FREM2: variants seen among roughly 807,000 people sequenced by gnomAD.
FREM2 encodes the protein FRAS1 related extracellular matrix 2, also known as FRAS1-related extracellular matrix protein 2.
A neutral mutation model predicts 219.9 loss-of-function variants in FREM2; 119 were observed. The observed-to-expected ratio is 0.54, with a 90% CI of 0.47 to 0.63. The LOEUF is 0.63. Ranked by LOEUF, FREM2 falls within the 30% of genes least tolerant of loss-of-function variation. The pLI is 0.00. For synonymous variants in FREM2, 1,562 were observed against 1,522.8 expected (o/e 1.03, Z -0.60); for missense variants, 4,030 against 3,993.6 (o/e 1.01, Z -0.25).
intron 2 of FREM2, among the ~76,000 whole-genome samples, chr13:38,724,198 G>A (rs1871417404): frequency 2.0e-5 from 3 of 152,156 alleles, no homozygotes; most frequent in Admixed American, 1.3e-4. Flanking sequence ...ACAGCAAGGA[G>A]GAGTGGGCAG....
At chr13:38,705,943 C>A (rs1173831442) in intron 2 of FREM2, among the ~76,000 whole-genome samples, 3 of 152,150 alleles carry the variant, frequency 2.0e-5, no homozygotes, top group East Asian at 1.9e-4. Context: ...AAAGTCAGAA[C>A]CTGATGAGCC....
chr13:38,715,358 T>C (rs1326906391), intron 2 of FREM2, among the ~76,000 whole-genome samples: 9 of 152,190 alleles, frequency 5.9e-5, no homozygotes, highest in Admixed American at 5.9e-4. Flanking sequence ...GCAGAGAGGA[T>C]TGCTTTGCCA....
intron 6 of FREM2, among the ~76,000 whole-genome samples, chr13:38,796,117 G>A (rs555226216): frequency 6.6e-6 from 1 of 152,166 alleles, no homozygotes; most frequent in South Asian, 2.1e-4. Flanking sequence ...GAATCCAAGG[G>A]AAAACAGGTA....
In FREM2 at chr13:38,761,393, G is replaced by A. The variant is rs188984945; in HGVS notation, c.5264-2911G>A. Reference sequence around the variant, plus strand: ...TCTGATAATTTGTTTTGAAATCAGAGCTGTTTTATGTACTAATTTAATCAA... The same window carrying A: ...TCTGATAATTTGTTTTGAAATCAGAACTGTTTTATGTACTAATTTAATCAA... On this transcript the variant is annotated intron_variant, in intron 2 of 23. Transcript: ENST00000280481. Among the ~76,000 whole-genome samples, 155 of 152,274 alleles carry A rather than the reference G, an allele frequency of 1.0e-3. 1 individual carries two copies. Among genetic ancestry groups the A allele is most frequent in the African/African-American group, 3.6e-3 (148 of 41,552 alleles).
chr13:38,689,934 A>C lies in FREM2; in HGVS notation c.2590A>C (p.Ile864Leu). 1 of 1,614,174 alleles carries C rather than the reference A, an allele frequency of 6.2e-7. No individual in the cohort carries two copies. The highest frequency in any genetic ancestry group is 8.5e-7 in the Non-Finnish European group (1 of 1,180,038). Residue 864 changes from isoleucine (I) to leucine (L), a missense_variant, in exon 1 of 24, where the codon ATC becomes CTC. Coordinates refer to ENST00000280481, the MANE Select transcript of FREM2 (RefSeq NM_207361.6). ...VNDVDTDVAH[I>L]SFTLTQAPKH... ...TGATGTAGACACTGATGTTGCCCAT[A>C]TCTCTTTCACTCTCACTCAGGCACC...
intron 2 of FREM2, among the ~76,000 whole-genome samples, chr13:38,707,554 T>A (rs924638548): frequency 6.6e-6 from 1 of 152,132 alleles, no homozygotes. Flanking sequence ...CTCTGCTGGA[T>A]TTTTTAGCAC....
chr13:38,859,140 G>C, intron 13 of FREM2, 147 bp from the exon 14 acceptor site: 3 of 720,478 alleles, frequency 4.2e-6, no homozygotes, highest in Non-Finnish European at 7.4e-6. Context: ...ATGTTATCAT[G>C]CCTGGGGATC....
At chr13:38,737,987 T>C (rs1872068686) in intron 2 of FREM2, among the ~76,000 whole-genome samples, 1 of 152,034 alleles carries the variant, frequency 6.6e-6, no homozygotes, top group South Asian at 2.1e-4. Flanking sequence ...TAGAAAGCCA[T>C]TGAAGAAAGA....
At chr13:38,828,954 G>A (rs1161634291) in intron 6 of FREM2, among the ~76,000 whole-genome samples, 4 of 151,784 alleles carry the variant, frequency 2.6e-5, no homozygotes, top group African/African-American at 9.7e-5. Flanking sequence ...TCATTTATTT[G>A]CCTAGTCTCT....
At chr13:38,766,245 G>A (rs767760718) in intron 3 of FREM2, among the ~76,000 whole-genome samples, 5 of 151,826 alleles carry the variant, frequency 3.3e-5, no homozygotes, top group African/African-American at 2.4e-5. Context: ...TAAGCTGGAT[G>A]CCAAAATGTC....
chr13:38,734,726 T>G (rs1871910077), intron 2 of FREM2, among the ~76,000 whole-genome samples: 1 of 149,276 alleles, frequency 6.7e-6, no homozygotes, highest in Non-Finnish European at 1.5e-5. Context: ...TGAGAAGAAT[T>G]GCAGTGCTAT....
rs1410916113 is a variant in FREM2, at chr13:38,687,147, T to A, written c.-198T>A. ...CGGAGCTGGACGGCCTGGGAAGGCTTCGGCTCCTCGGCTGCGGCTCCAGCC... is the reference window on the plus strand; with the variant it reads ...CGGAGCTGGACGGCCTGGGAAGGCTACGGCTCCTCGGCTGCGGCTCCAGCC... On this transcript the variant is annotated 5_prime_UTR_variant, in exon 1 of 24. Coordinates refer to ENST00000280481, the MANE Select transcript of FREM2 (RefSeq NM_207361.6). 1.5e-6 allele frequency: 1 copy of A among 687,010 alleles called. No homozygotes were observed. Among genetic ancestry groups the A allele is most frequent in the East Asian group, 2.8e-5 (1 of 36,292 alleles). 42.6% of individuals were successfully genotyped at this position (687,010 alleles called of 1,614,324 possible). A position where few individuals can be genotyped will look rare whatever the true frequency, so the allele number is the denominator to read the frequency against.
chr13:38,826,389 T>A (rs1338836754), intron 6 of FREM2, among the ~76,000 whole-genome samples: 1 of 152,100 alleles, frequency 6.6e-6, no homozygotes, highest in Non-Finnish European at 1.5e-5. Context: ...ACAATGATTT[T>A]TTTTTCCACG....
At chr13:38,873,847 G>A (rs993577238) in intron 17 of FREM2, among the ~76,000 whole-genome samples, 7 of 152,124 alleles carry the variant, frequency 4.6e-5, no homozygotes, top group Non-Finnish European at 1.0e-4. Context: ...GTTTCATTTT[G>A]AATAGTTTCT....
rs1248317069 is a variant in FREM2, at chr13:38,884,804, C to T, written c.*4017C>T. ...CACACACAGACATAAAATAACCAAACATCTCATTTCTAGGAAAGAGATAAC... is the reference window on the plus strand; with the variant it reads ...CACACACAGACATAAAATAACCAAATATCTCATTTCTAGGAAAGAGATAAC... On this transcript the variant is annotated 3_prime_UTR_variant, in exon 24 of 24. Transcript: ENST00000280481. The T allele has an allele frequency of 1.3e-5, 2 of 152,096 alleles. No homozygotes were observed. The highest frequency in any genetic ancestry group is 2.9e-5 in the Non-Finnish European group (2 of 67,994). 9.4% of individuals were successfully genotyped at this position (152,096 alleles called of 1,614,324 possible). A position where few individuals can be genotyped will look rare whatever the true frequency, so the allele number is the denominator to read the frequency against.
At chr13:38,806,868 A>C (rs913617368) in intron 6 of FREM2, among the ~76,000 whole-genome samples, 6 of 151,814 alleles carry the variant, frequency 4.0e-5, no homozygotes, top group African/African-American at 1.4e-4. Context: ...AGTATATATA[A>C]TAAACTAAAT....
chr13:38,877,008 C>A, intron 20 of FREM2, 109 bp from the exon 21 acceptor site: 1 of 1,259,804 alleles, frequency 7.9e-7, no homozygotes, highest in Non-Finnish European at 1.2e-6. Context: ...AATTGCGATG[C>A]AGTGTTTAGT....
intron 6 of FREM2, among the ~76,000 whole-genome samples, chr13:38,809,682 A>G (rs1566150108): frequency 6.6e-6 from 1 of 151,956 alleles, no homozygotes. Context: ...TCATTGGTCT[A>G]AGTGTCTGTA....
At chr13:38,747,714 G>C (rs1307924043) in intron 2 of FREM2, among the ~76,000 whole-genome samples, 1 of 152,078 alleles carries the variant, frequency 6.6e-6, no homozygotes, top group South Asian at 2.1e-4. Flanking sequence ...TAAAATTGAT[G>C]AGTACAGAAC....
Sources: gnomAD v4.1 joint callset for allele counts (sites outside exome capture counted in the v4.1 genomes callset) on GRCh38, gnomAD v4.1.1 for gene constraint, MANE v1.5 for transcripts, NCBI Gene and HGNC (gene_info 2026-07-23, HGNC 2026-07-21) for gene names.